The following CNIH3 variants were observed in gnomAD, a reference collection of about 807,000 sequenced individuals.
CNIH3 encodes the protein protein cornichon homolog 3.
A neutral mutation model predicts 24.1 loss-of-function variants in CNIH3; 14 were observed. That is an observed-to-expected ratio of 0.58 (90% confidence interval 0.38 to 0.91). The LOEUF (loss-of-function observed/expected upper bound fraction) is 0.91. Among genes scored for constraint, CNIH3 ranks in the 40% least tolerant of loss-of-function variants. The probability of loss-of-function intolerance (pLI) is 0.00; values close to 1 mark genes in which losing one functional copy is unlikely to be tolerated. For missense variants in CNIH3, 178 were observed against 196.8 expected, an observed-to-expected ratio of 0.90 and a Z score of 0.57; for synonymous variants, 68 against 73.8, an observed-to-expected ratio of 0.92 and a Z score of 0.40.
At chr1:224,626,188 C>T (rs1476100123) in intron 1 of CNIH3, among the ~76,000 whole-genome samples, 1 of 152,210 alleles carries the variant, frequency 6.6e-6, no homozygotes, top group Non-Finnish European at 1.5e-5. Flanking sequence ...AGGTCATTTG[C>T]ATGAGTAACC....
rs564496463 is a variant in CNIH3 at position 224,546,589 on chromosome 1, G to A, written n.340-240G>A. Among the ~76,000 whole-genome samples, 8 of 152,280 alleles carry A rather than the reference G, an allele frequency of 5.3e-5. No individual in the cohort carries two copies. The South Asian group carries it at 1.7e-3, about 32-fold the overall frequency. On this transcript the variant is annotated intron_variant and non_coding_transcript_variant, in intron 2 of 5. Coordinates refer to the CNIH3 transcript ENST00000471578. The stretch of plus-strand genomic sequence containing the variant: ...GAAGTGGAGAACAAAGAAAAGGGAG[G>A]AGTTCCATTCTGACCCAGTGTGTGT...
chr1:224,456,725 T>C (rs1675679307), intron 1 of CNIH3, among the ~76,000 whole-genome samples: 1 of 152,196 alleles, frequency 6.6e-6, no homozygotes, highest in Non-Finnish European at 1.5e-5. Flanking sequence ...ATTCCCCCTG[T>C]CTTTTTGACA....
At chr1:224,595,505 C>A (rs1558194111) in intron 3 of CNIH3, among the ~76,000 whole-genome samples, 3 of 152,204 alleles carry the variant, frequency 2.0e-5, no homozygotes, top group Admixed American at 1.3e-4. Context: ...CCTTTCTTTT[C>A]CTTGAAACAC....
chr1:224,628,668 GC>G (rs1683663353), intron 1 of CNIH3, among the ~76,000 whole-genome samples: 1 of 151,804 alleles, frequency 6.6e-6, no homozygotes, highest in Admixed American at 6.6e-5. Flanking sequence ...AAACTCAAAG[GC>G]CCCCCACGCC....
At chr1:224,512,509 C>G (rs1040483691), upstream of CNIH3, among the ~76,000 whole-genome samples, 2 of 152,120 alleles carry the variant, frequency 1.3e-5, no homozygotes, top group Admixed American at 6.5e-5. Context: ...TGGAGCTATA[C>G]AGAAAATACA....
chr1:224,646,749 C>G (rs1684625636), intron 1 of CNIH3, among the ~76,000 whole-genome samples: 1 of 152,066 alleles, frequency 6.6e-6, no homozygotes, highest in Non-Finnish European at 1.5e-5. Context: ...CAAGGCTGAG[C>G]CAATACAAAG....
intron 3 of CNIH3, chr1:224,717,717 T>G (rs1221777938): frequency 1.3e-5 from 2 of 152,158 alleles, no homozygotes; most frequent in East Asian, 3.9e-4. Context: ...GAGAGTTGAG[T>G]TGAGTTTGAA....
chr1:224,474,364 C>CAA lies in CNIH3; in HGVS notation n.203+39518_203+39519dup, dbSNP rs34695653. Among the ~76,000 whole-genome samples, 431 of 111,750 alleles carry CAA rather than the reference C, an allele frequency of 3.9e-3. 3 individuals carry two copies. The highest frequency in any genetic ancestry group is 0.017 in the African/African-American group (401 of 23,998). 73.3% of individuals were successfully genotyped at this position (111,750 alleles called of 152,430 possible). A position where few individuals can be genotyped will look rare whatever the true frequency, so the allele number is the denominator to read the frequency against. ...GGGCAGCAAGAGCAAAACTTCGCCT[C>CAA]AAAAAAAAAAAAAAAAAGTTTTTCA... On this transcript the variant is annotated intron_variant and non_coding_transcript_variant, in intron 1 of 5. Coordinates refer to the CNIH3 transcript ENST00000471578.
intron 1 of CNIH3, among the ~76,000 whole-genome samples, chr1:224,663,805 A>G (rs1410258702): frequency 6.6e-6 from 1 of 152,222 alleles, no homozygotes; most frequent in African/African-American, 2.4e-5. Context: ...TAGGGCCCAC[A>G]GTGACAGAGT....
At chr1:224,436,084 G>A (rs992189972) in intron 1 of CNIH3, among the ~76,000 whole-genome samples, 1 of 152,204 alleles carries the variant, frequency 6.6e-6, no homozygotes, top group South Asian at 2.1e-4. Context: ...CCTCAGACAG[G>A]AAGAAGTAAG....
chr1:224,626,530 G>C (rs1683534131), intron 1 of CNIH3, among the ~76,000 whole-genome samples: 1 of 152,220 alleles, frequency 6.6e-6, no homozygotes, highest in African/African-American at 2.4e-5. Context: ...CTGATAGACT[G>C]TAATGGGGCC....
upstream of CNIH3, among the ~76,000 whole-genome samples, chr1:224,511,496 A>G (rs985657930): frequency 2.6e-5 from 4 of 152,186 alleles, no homozygotes; most frequent in Non-Finnish European, 5.9e-5. Flanking sequence ...TCATGATTTC[A>G]TATTCAGATC....
chr1:224,488,882 C>T (rs116061707), intron 1 of CNIH3, among the ~76,000 whole-genome samples: 1,940 of 152,198 alleles, frequency 0.013, 32 homozygotes, highest in African/African-American at 0.041. Context: ...CATTTATTAA[C>T]AAGTGTATTT....
At chr1:224,695,703 G>A (rs1687131615) in intron 3 of CNIH3, among the ~76,000 whole-genome samples, 1 of 152,162 alleles carries the variant, frequency 6.6e-6, no homozygotes. Flanking sequence ...CACTGCCCTA[G>A]GGGCCAATCT....
chr1:224,628,805 A>G (rs561975775), intron 1 of CNIH3, among the ~76,000 whole-genome samples: 1 of 152,100 alleles, frequency 6.6e-6, no homozygotes, highest in South Asian at 2.1e-4. Flanking sequence ...TTTGGAATTC[A>G]GGAAACACCA....
At chr1:224,705,174 T>C (rs577089843) in intron 3 of CNIH3, among the ~76,000 whole-genome samples, 1 of 152,252 alleles carries the variant, frequency 6.6e-6, no homozygotes, top group South Asian at 2.1e-4. Context: ...TTTCCCATAG[T>C]TTCCTTTAAT....
chr1:224,676,661 G>A (rs555988450), intron 1 of CNIH3, among the ~76,000 whole-genome samples: 51 of 152,340 alleles, frequency 3.3e-4, no homozygotes, highest in African/African-American at 1.2e-3. Flanking sequence ...TGTGCATTCA[G>A]CTGAATTAAA....
intron 1 of CNIH3, among the ~76,000 whole-genome samples, chr1:224,638,690 A>T (rs1245151173): frequency 6.6e-6 from 1 of 152,156 alleles, no homozygotes; most frequent in Admixed American, 6.5e-5. Context: ...AGTGATTAGA[A>T]CATGCAGGTA....
chr1:224,619,444 C>T (rs147561483), intron 1 of CNIH3, among the ~76,000 whole-genome samples: 5 of 152,302 alleles, frequency 3.3e-5, no homozygotes, highest in African/African-American at 4.8e-5. Flanking sequence ...AGAATTTGTG[C>T]GTTTTGATTT....
Sources: allele counts gnomAD v4.1 joint callset (sites outside exome capture counted in the v4.1 genomes callset), GRCh38; gene constraint gnomAD v4.1.1; transcripts MANE v1.5; gene names NCBI Gene and HGNC (gene_info 2026-07-23, HGNC 2026-07-21).